MCOLN1: variants seen among roughly 807,000 people sequenced by gnomAD.
The protein encoded by MCOLN1 is mucolipin TRP cation channel 1.
Under a neutral mutation model 70.3 loss-of-function variants are expected in MCOLN1, and 50 were observed. The ratio of observed to expected loss-of-function variants is 0.71; its 90% confidence interval spans 0.57 to 0.90. The LOEUF (loss-of-function observed/expected upper bound fraction) is 0.90. Ranked by LOEUF, MCOLN1 falls within the 40% of genes least tolerant of loss-of-function variation. The pLI is 0.00. For missense variants in MCOLN1, 598 were observed against 803.5 expected, an observed-to-expected ratio of 0.74 and a Z score of 3.09; for synonymous variants, 366 against 341.0, an observed-to-expected ratio of 1.07 and a Z score of -0.81.
intron 10 of MCOLN1, 88 bp from the exon 11 acceptor site, chr19:7,529,502 C>T: frequency 1.9e-6 from 1 of 518,876 alleles, no homozygotes; most frequent in Admixed American, 2.2e-5. Context: ...CTCGGCAAGG[C>T]CCCGCCCCTC....
chr19:7,528,043 G>A lies in MCOLN1; in HGVS notation c.777+83G>A, dbSNP rs1269874791. 5 of 1,529,582 alleles carry A rather than the reference G, an allele frequency of 3.3e-6. No individual in the cohort carries two copies. The highest frequency in any genetic ancestry group is 4.5e-6 in the Non-Finnish European group (5 of 1,103,596). 94.8% of individuals were successfully genotyped at this position (1,529,582 alleles called of 1,614,324 possible). A position where few individuals can be genotyped will look rare whatever the true frequency, so the allele number is the denominator to read the frequency against. ...GGAGTGTCTTGGGAGCACTGGCCAA[G>A]GGCAAGCGTGCGGGTGATGAGGGAG... On this transcript the variant is annotated intron_variant, in intron 6 of 13. Transcript: ENST00000264079. The surrounding 1 kb of genome is among the most constrained non-coding windows in gnomAD (Gnocchi z 4.2).
In MCOLN1 at chr19:7,526,320, G is replaced by C. The variant is rs896029128; in HGVS notation, c.238-119G>C. The C allele has an allele frequency of 9.9e-6, 12 of 1,211,874 alleles. No individual in the cohort carries two copies. In the African/African-American group the frequency reaches 1.3e-4, roughly 14 times the overall value. 75.1% of individuals were successfully genotyped at this position (1,211,874 alleles called of 1,614,324 possible). A position where few individuals can be genotyped will look rare whatever the true frequency, so the allele number is the denominator to read the frequency against. Reference sequence around the variant, plus strand: ...TTGTGGCCCAAGTTAGCAGGGCCCTGCCCCACCCCAGTGGACATCTGCAGG... The same window carrying C: ...TTGTGGCCCAAGTTAGCAGGGCCCTCCCCCACCCCAGTGGACATCTGCAGG... On this transcript the variant is annotated intron_variant, in intron 2 of 13. Transcript: ENST00000264079. This position sits in a 1 kb window ranked among gnomAD's most constrained non-coding sequence, Gnocchi z 4.6.
intron 4 of MCOLN1, 88 bp from the exon 5 acceptor site, chr19:7,527,432 C>G: frequency 1.3e-6 from 1 of 775,412 alleles, no homozygotes; most frequent in South Asian, 1.3e-5. Context: ...CCTGGGGAAG[C>G]ACAGGGAAGA....
chr19:7,533,732 C>T (rs2022708501), intron 13 of MCOLN1, 27 bp from the exon 14 acceptor site: 1 of 1,614,166 alleles, frequency 6.2e-7, no homozygotes, highest in Non-Finnish European at 8.5e-7. Flanking sequence ...AAAACTGACG[C>T]CCCTCTTCCC....
In MCOLN1 at chr19:7,530,492, C is replaced by T. The variant is rs1214443140; in HGVS notation, c.1566C>T (p.Asp522=). Residue 522 remains aspartate (D), a synonymous_variant, in exon 12 of 14, where the codon GAC becomes GAT. Coordinates refer to ENST00000264079, the MANE Select transcript of MCOLN1 (RefSeq NM_020533.3). ...TCGCGCTCATCACCGGCGCCTACGACACCATCAAGGTCAGCCGCATGCACC... is the reference window on the plus strand; with the variant it reads ...TCGCGCTCATCACCGGCGCCTACGATACCATCAAGGTCAGCCGCATGCACC... ...LFIALITGAY[D]TIKHPGGAGA... is the part of the protein sequence containing the mutation. The T allele has an allele frequency of 6.2e-7, 1 of 1,609,510 alleles. No homozygotes were observed. The highest frequency in any genetic ancestry group is 8.5e-7 in the Non-Finnish European group (1 of 1,179,970).
In MCOLN1 at chr19:7,526,673, G is replaced by A. The variant is rs1365790753; in HGVS notation, c.405+67G>A. 15 of 1,595,892 alleles carry A rather than the reference G, an allele frequency of 9.4e-6. No individual in the cohort carries two copies. Among genetic ancestry groups the A allele is most frequent in the African/African-American group, 5.4e-5 (4 of 74,366 alleles). The stretch of plus-strand genomic sequence containing the variant: ...GGTGGGCGGGCAGGTGCAGTTGGGC[G>A]GGCAGGTGCTGGTGGGCGGGCAGGT... On this transcript the variant is annotated intron_variant, in intron 3 of 13. Transcript: ENST00000264079. This position sits in a 1 kb window ranked among gnomAD's most constrained non-coding sequence, Gnocchi z 4.6.
In MCOLN1 at chr19:7,530,509, G is replaced by A. The variant is rs372482475; in HGVS notation, c.1575+8G>A. The A allele has an allele frequency of 2.4e-5, 38 of 1,606,626 alleles. No homozygotes were observed. The highest frequency in any genetic ancestry group is 6.7e-5 in the African/African-American group (5 of 74,882). On this transcript the variant is annotated splice_region_variant and intron_variant, in intron 12 of 13. Coordinates refer to ENST00000264079, the MANE Select transcript of MCOLN1 (RefSeq NM_020533.3). ...GCCTACGACACCATCAAGGTCAGCC[G>A]CATGCACCCAGCCCTGAGCTCGGGC...
rs1296459046 is a variant in MCOLN1, at chr19:7,528,577, C to A, written c.878-20C>A. ...GGCTCCATGCCATCCTTGGCCCTAC[C>A]CGCTCTGCCCTCCCCGCAGGAGACA... On this transcript the variant is annotated intron_variant, in intron 7 of 13. Coordinates refer to ENST00000264079, the MANE Select transcript of MCOLN1 (RefSeq NM_020533.3). This position sits in a 1 kb window ranked among gnomAD's most constrained non-coding sequence, Gnocchi z 4.2. 6.2e-7 allele frequency: 1 copy of A among 1,613,786 alleles called. No individual in the cohort carries two copies. Among genetic ancestry groups the A allele is most frequent in the East Asian group, 2.2e-5 (1 of 44,894 alleles).
chr19:7,533,939 T>C lies in MCOLN1; in HGVS notation c.*144T>C, dbSNP rs1485986128. The stretch of plus-strand genomic sequence containing the variant: ...GGCCTGGACCTTTCGTGTCGGACCC[T>C]TGGGGGCGGGGAGACTGGGTGGGGA... On this transcript the variant is annotated 3_prime_UTR_variant, in exon 14 of 14. Coordinates refer to ENST00000264079, the MANE Select transcript of MCOLN1 (RefSeq NM_020533.3). 3 of 930,514 alleles carry C rather than the reference T, an allele frequency of 3.2e-6. No homozygotes were observed. Among genetic ancestry groups the C allele is most frequent in the Non-Finnish European group, 5.1e-6 (3 of 590,510 alleles). The allele number at this position is 930,514 out of a possible 1,614,324, so 57.6% of individuals were successfully genotyped here. A position where few individuals can be genotyped will look rare whatever the true frequency, so the allele number is the denominator to read the frequency against.
rs748108630 is a variant in MCOLN1, at chr19:7,528,904, C to A, written c.1068C>A (p.Ile356=). The A allele has an allele frequency of 1.2e-6, 2 of 1,614,150 alleles. No homozygotes were observed. The highest frequency in any genetic ancestry group is 1.7e-6 in the Non-Finnish European group (2 of 1,180,024). Residue 356 remains isoleucine (I), a synonymous_variant, in exon 9 of 14, where the codon ATC becomes ATA. Coordinates refer to ENST00000264079, the MANE Select transcript of MCOLN1 (RefSeq NM_020533.3). The surrounding 1 kb of genome is among the most constrained non-coding windows in gnomAD (Gnocchi z 4.2). The part of the protein sequence containing the change: ...ERLEFVNGWY[I]LLVTSDVLTI... ...TGGAATTTGTCAATGGCTGGTACAT[C>A]CTGCTCGTCACCAGCGATGTGCTCA...
Position 7,524,528 on chromosome 19 carries a change from C to T in MCOLN1, c.32-433C>T, listed in dbSNP as rs771100761. Among the ~76,000 whole-genome samples, 34 of 152,226 alleles carry T rather than the reference C, an allele frequency of 2.2e-4. No individual in the cohort carries two copies. The highest frequency in any genetic ancestry group is 7.7e-4 in the African/African-American group (32 of 41,526). ...GCAGGCTTGAACGCCCAGTGAAAAG[C>T]CAGTGGGAGCAGTTCATTCTCTCCC... On this transcript the variant is annotated intron_variant, in intron 1 of 13. Transcript: ENST00000264079. The surrounding 1 kb of genome is among the most constrained non-coding windows in gnomAD (Gnocchi z 4.1).
At chr19:7,529,259 A>C in intron 10 of MCOLN1, 57 bp downstream of exon 10, 1 of 1,476,920 alleles carries the variant, frequency 6.8e-7, no homozygotes, top group Non-Finnish European at 9.4e-7. Flanking sequence ...CCCTCCAAAT[A>C]AATCCCTACA....
Position 7,527,928 on chromosome 19 carries a change from G to C in MCOLN1, c.745G>C (p.Glu249Gln), listed in dbSNP as rs1244777562. The C allele has an allele frequency of 6.2e-7, 1 of 1,614,166 alleles. No homozygotes were observed. Residue 249 changes from glutamate to glutamine, a missense_variant, in exon 6 of 14, where the codon GAG (glutamate) becomes CAG (glutamine). Physicochemically the swap from Glu to Gln is conservative, Grantham distance 29. Around this residue, in one of 3 missense-constraint regions of MCOLN1, gnomAD observed 461 missense variants for 588.4 expected, o/e 0.78. Transcript: ENST00000264079. The part of the protein sequence containing the change: ...TINLQSLINN[E>Q]IPDCYTFSVL... ...TAACCTCCAGAGCCTCATCAATAAT[G>C]AGATCCCGGACTGCTATACCTTCAG... is the stretch of plus-strand genomic sequence containing the variant.
Position 7,525,483 on chromosome 19 carries a change from A to G in MCOLN1, c.237+317A>G, listed in dbSNP as rs574098292. On this transcript the variant is annotated intron_variant, in intron 2 of 13. Transcript: ENST00000264079. The surrounding 1 kb of genome is among the most constrained non-coding windows in gnomAD (Gnocchi z 4.2). ...ACTCCAGCCTGGGCAACAGAGCAAG[A>G]CTGTCTCAAAAAAAAAAAGAAGCCG... 8.0e-4 allele frequency: 246 copies of G among 306,170 alleles called. 1 individual carries two copies. The highest frequency in any genetic ancestry group is 6.3e-3 in the African/African-American group (233 of 36,956). 19.0% of individuals were successfully genotyped at this position (306,170 alleles called of 1,614,324 possible).
chr19:7,528,469 C>T lies in MCOLN1; in HGVS notation c.878-128C>T, dbSNP rs1254172461. On this transcript the variant is annotated intron_variant, in intron 7 of 13. Transcript: ENST00000264079. The surrounding 1 kb of genome is among the most constrained non-coding windows in gnomAD (Gnocchi z 4.2). ...GGGTTCTTGACTCACCCCAAGCAAGCCCTGAGCCCACTGACCAACCAAAAC... is the reference window on the plus strand; with the variant it reads ...GGGTTCTTGACTCACCCCAAGCAAGTCCTGAGCCCACTGACCAACCAAAAC... 13 of 1,259,144 alleles carry T rather than the reference C, an allele frequency of 1.0e-5. No homozygotes were observed. The highest frequency in any genetic ancestry group is 1.3e-5 in the Non-Finnish European group (12 of 891,560). The allele number at this position is 1,259,144 out of a possible 1,614,324, so 78.0% of individuals were successfully genotyped here. A position where few individuals can be genotyped will look rare whatever the true frequency, so the allele number is the denominator to read the frequency against.
At position 7,527,973 on chromosome 19, in the gene MCOLN1, G is replaced by A. The variant is rs775042317; in HGVS notation, c.777+13G>A. 65 of 1,607,672 alleles carry A rather than the reference G, an allele frequency of 4.0e-5. No homozygotes were observed. Among genetic ancestry groups the A allele is most frequent in the Non-Finnish European group, 4.7e-5 (55 of 1,174,324 alleles). The stretch of plus-strand genomic sequence containing the variant: ...CTTCAGCGTCCTGGTGAGGCCCCCC[G>A]GGAACCCACAGGGCTCCTGAGTTCC... On this transcript the variant is annotated intron_variant, in intron 6 of 13. Coordinates refer to ENST00000264079, the MANE Select transcript of MCOLN1 (RefSeq NM_020533.3).
In MCOLN1 at chr19:7,524,889, C is replaced by A; in HGVS notation, c.32-72C>A. ...GACATGAAGATAGGGCGTGTGCTGCCTTCCTGGTTGGAGAAAGGGGAAAAG... is the reference window on the plus strand; with the variant it reads ...GACATGAAGATAGGGCGTGTGCTGCATTCCTGGTTGGAGAAAGGGGAAAAG... On this transcript the variant is annotated intron_variant, in intron 1 of 13. Transcript: ENST00000264079. The surrounding 1 kb of genome is among the most constrained non-coding windows in gnomAD (Gnocchi z 4.1). The A allele has an allele frequency of 1.5e-6, 2 of 1,300,868 alleles. No individual in the cohort carries two copies. The highest frequency in any genetic ancestry group is 2.2e-6 in the Non-Finnish European group (2 of 903,202). The allele number at this position is 1,300,868 out of a possible 1,614,324, so 80.6% of individuals were successfully genotyped here. A position where few individuals can be genotyped will look rare whatever the true frequency, so the allele number is the denominator to read the frequency against.
intron 12 of MCOLN1, chr19:7,533,246 G>A: frequency 1.8e-6 from 1 of 568,092 alleles, no homozygotes. Flanking sequence ...TGAGCATCGA[G>A]GTCATGTCAG....
rs1568398630 is a variant in MCOLN1 at position 7,526,702 on chromosome 19, G to A, written c.406-59G>A. 6.2e-7 allele frequency: 1 copy of A among 1,606,374 alleles called. No homozygotes were observed. The highest frequency in any genetic ancestry group is 2.2e-5 in the East Asian group (1 of 44,796). On this transcript the variant is annotated intron_variant, in intron 3 of 13. Transcript: ENST00000264079. This position sits in a 1 kb window ranked among gnomAD's most constrained non-coding sequence, Gnocchi z 4.6. ...AGGTGCTGGTGGGCGGGCAGGTGCA[G>A]GTGGGTGGGCTGCAGAGAGCGGGCC...
Sources: gnomAD v4.1 joint callset for allele counts (sites outside exome capture counted in the v4.1 genomes callset) on GRCh38, gnomAD v4.1.1 for gene constraint, gnomAD v4.1.1 regional missense constraint, Gnocchi (gnomAD v3.1) non-coding constraint, MANE v1.5 for transcripts, NCBI Gene and HGNC (gene_info 2026-07-23, HGNC 2026-07-21) for gene names.